Variants in IL1RAPL1 observed in about 807,000 individuals in gnomAD.
The protein encoded by IL1RAPL1 is interleukin-1 receptor accessory protein-like 1.
IL1RAPL1 carries 3 observed loss-of-function variants against 48.4 expected under a neutral mutation model. That is an observed-to-expected ratio of 0.06 (90% CI 0.03 to 0.16). The LOEUF (loss-of-function observed/expected upper bound fraction) is 0.16, where lower values mean the gene tolerates loss of function less well. IL1RAPL1 is among the 10% of genes least tolerant of loss of function. IL1RAPL1 has a pLI of 1.00. For missense variants in IL1RAPL1, 349 were observed against 530.6 expected, an observed-to-expected ratio of 0.66 and a Z score of 3.36; for synonymous variants, 185 against 187.7, an observed-to-expected ratio of 0.99 and a Z score of 0.12.
At chrX:29,823,100 G>T (rs1203078467) in intron 6 of IL1RAPL1, among the ~76,000 whole-genome samples, 2 of 111,974 alleles carry the variant, frequency 1.8e-5, no homozygotes, top group Non-Finnish European at 3.8e-5. Flanking sequence ...GTGGACTAGG[G>T]AAGTTTGATC....
At chrX:29,845,429 T>G (rs1407973190) in intron 6 of IL1RAPL1, among the ~76,000 whole-genome samples, 1 of 111,118 alleles carries the variant, frequency 9.0e-6, no homozygotes, top group African/African-American at 3.3e-5. Context: ...GACTTTGAAT[T>G]TAATTCTGTT....
intron 1 of IL1RAPL1, among the ~76,000 whole-genome samples, chrX:28,745,491 T>C (rs186576202): frequency 8.9e-6 from 1 of 111,803 alleles, no homozygotes; most frequent in East Asian, 2.8e-4. Context: ...AAAGGGATTT[T>C]TTTGTAAAGA....
chrX:28,774,093 C>CT (rs1291577288), intron 1 of IL1RAPL1, among the ~76,000 whole-genome samples: 1 of 111,663 alleles, frequency 9.0e-6, no homozygotes, highest in African/African-American at 3.3e-5. Flanking sequence ...TTTACTGATT[C>CT]TTTTTTTCGA....
At chrX:28,906,602 T>G (rs1923222477) in intron 2 of IL1RAPL1, among the ~76,000 whole-genome samples, 1 of 112,194 alleles carries the variant, frequency 8.9e-6, no homozygotes, top group South Asian at 3.7e-4. Flanking sequence ...GAGAAAATAC[T>G]ATTTCCCCAG....
At chrX:28,879,933 G>A (rs1922464329) in intron 2 of IL1RAPL1, among the ~76,000 whole-genome samples, 1 of 111,646 alleles carries the variant, frequency 9.0e-6, no homozygotes, top group South Asian at 3.7e-4. Context: ...AAGCATAACT[G>A]TGGAGGAATT....
Position 29,050,750 on chromosome X carries a change from C to A in IL1RAPL1, c.83-232188C>A, listed in dbSNP as rs148489731. 2.9e-4 allele frequency among the ~76,000 whole-genome samples: 32 copies of A among 112,189 alleles called. No homozygotes were observed. In the East Asian group the frequency reaches 9.0e-3, roughly 32 times the overall value. The stretch of plus-strand genomic sequence containing the variant: ...CCTTAAGGTGTTCTGAAATTACGGG[C>A]TCGTTGATTCTGCCCTTTGTCTTGC... On this transcript the variant is annotated intron_variant, in intron 2 of 10. Coordinates refer to ENST00000378993, the MANE Select transcript of IL1RAPL1 (RefSeq NM_014271.4).
rs1457194660 is a variant in IL1RAPL1 at position 29,850,822 on chromosome X, A to G, written c.779-66642A>G. Among the ~76,000 whole-genome samples, 4 of 112,349 alleles carry G rather than the reference A, an allele frequency of 3.6e-5. 1 individual carries two copies. Among genetic ancestry groups the G allele is most frequent in the Admixed American group, 1.9e-4 (2 of 10,608 alleles). On this transcript the variant is annotated intron_variant, in intron 6 of 10. Transcript: ENST00000378993. ...ACTAAACGCAGTCTAAGATTATTCA[A>G]TAATATTTGGCTATTAGTTGTTCCC... is the stretch of plus-strand genomic sequence containing the variant.
At chrX:28,856,391 T>G (rs912374494) in intron 2 of IL1RAPL1, among the ~76,000 whole-genome samples, 1 of 110,896 alleles carries the variant, frequency 9.0e-6, no homozygotes, top group Admixed American at 9.6e-5. Context: ...AACAAAGGAG[T>G]TTTTTTTCCA....
intron 6 of IL1RAPL1, among the ~76,000 whole-genome samples, chrX:29,904,483 C>T (rs1193329453): frequency 9.0e-6 from 1 of 110,530 alleles, no homozygotes; most frequent in Non-Finnish European, 1.9e-5. Flanking sequence ...GTTTTAAGCC[C>T]CGCATGCATT....
chrX:29,438,436 G>T (rs1934506305), intron 5 of IL1RAPL1, among the ~76,000 whole-genome samples: 1 of 110,790 alleles, frequency 9.0e-6, no homozygotes, highest in East Asian at 2.8e-4. Context: ...GGTTCATCGT[G>T]CTTTTTCTTT....
Position 29,013,689 on chromosome X carries a change from C to T in IL1RAPL1, c.82+224264C>T, listed in dbSNP as rs151093267. Reference sequence around the variant, plus strand: ...GAACACATGGACACATGGTGGGGAACGACACACACTAGGGCCTGTTGGAGG... The same window carrying T: ...GAACACATGGACACATGGTGGGGAATGACACACACTAGGGCCTGTTGGAGG... On this transcript the variant is annotated intron_variant, in intron 2 of 10. Coordinates refer to ENST00000378993, the MANE Select transcript of IL1RAPL1 (RefSeq NM_014271.4). 1.6e-3 allele frequency among the ~76,000 whole-genome samples: 179 copies of T among 110,591 alleles called. 3 individuals carry two copies. In the East Asian group the frequency reaches 0.026, roughly 16 times the overall value.
chrX:29,803,456 T>A (rs1410424792), intron 6 of IL1RAPL1, among the ~76,000 whole-genome samples: 1 of 91,353 alleles, frequency 1.1e-5, no homozygotes, highest in East Asian at 3.2e-4. Flanking sequence ...TATATGTGTG[T>A]ATATATGTAT....
At chrX:29,225,205 A>G (rs1444235927) in intron 2 of IL1RAPL1, among the ~76,000 whole-genome samples, 1 of 112,573 alleles carries the variant, frequency 8.9e-6, no homozygotes, top group Admixed American at 9.4e-5. Context: ...GCACTTAAAG[A>G]CAATAAGAAA....
rs771393782 is a variant in IL1RAPL1, at chrX:28,988,526, C to T, written c.82+199101C>T. ...GGGCATGGGAGTATACACGAAGTTG[C>T]AGCCACTTCAGGGTTGATTTCTCAC... On this transcript the variant is annotated intron_variant, in intron 2 of 10. Transcript: ENST00000378993. Among the ~76,000 whole-genome samples, 6 of 111,494 alleles carry T rather than the reference C, an allele frequency of 5.4e-5. No homozygotes were observed. In the Admixed American group the frequency reaches 5.7e-4, roughly 11 times the overall value.
intron 6 of IL1RAPL1, among the ~76,000 whole-genome samples, chrX:29,847,235 A>G (rs182361491): frequency 8.9e-6 from 1 of 111,973 alleles, no homozygotes. Context: ...AAATATGCTT[A>G]TAGAAAACAT....
At chrX:29,744,556 T>C (rs1928284682) in intron 6 of IL1RAPL1, among the ~76,000 whole-genome samples, 3 of 112,352 alleles carry the variant, frequency 2.7e-5, no homozygotes, top group African/African-American at 9.7e-5. Context: ...TTATCATTTA[T>C]AAAATCATAG....
intron 2 of IL1RAPL1, among the ~76,000 whole-genome samples, chrX:29,248,014 A>G (rs1931545818): frequency 8.9e-6 from 1 of 111,763 alleles, no homozygotes; most frequent in South Asian, 3.7e-4. Context: ...ATTGTAGATA[A>G]CCTTGTGGAG....
intron 3 of IL1RAPL1, among the ~76,000 whole-genome samples, chrX:29,330,197 T>TA (rs1005196212): frequency 8.9e-6 from 1 of 112,322 alleles, no homozygotes; most frequent in South Asian, 3.7e-4. Flanking sequence ...AAAGCTGTTT[T>TA]AAAAAATGTA....
chrX:29,620,071 A>C (rs1924414468), intron 5 of IL1RAPL1, among the ~76,000 whole-genome samples: 1 of 111,840 alleles, frequency 8.9e-6, no homozygotes, highest in African/African-American at 3.2e-5. Flanking sequence ...ACAACAAAAA[A>C]TTAAATGTAA....
Sources: gnomAD v4.1 joint callset for allele counts (sites outside exome capture counted in the v4.1 genomes callset) on GRCh38, gnomAD v4.1.1 for gene constraint, MANE v1.5 for transcripts, NCBI Gene and HGNC (gene_info 2026-07-23, HGNC 2026-07-21) for gene names.